PDE4B: variants seen among roughly 807,000 people sequenced by gnomAD.
The protein encoded by PDE4B is 3',5'-cyclic-AMP phosphodiesterase 4B.
Under a neutral mutation model 82.2 loss-of-function variants are expected in PDE4B, and 20 were observed. That is an observed-to-expected ratio of 0.24 (90% CI 0.17 to 0.35). The LOEUF is 0.35. PDE4B is among the 10% of genes least tolerant of loss of function. PDE4B has a pLI of 1.00. For missense variants in PDE4B, 655 were observed against 907.2 expected (o/e 0.72, Z 3.57); for synonymous variants, 320 against 318.9 (o/e 1.00, Z -0.04).
At chr1:66,091,214 C>T (rs1570205824) in intron 3 of PDE4B, among the ~76,000 whole-genome samples, 1 of 152,000 alleles carries the variant, frequency 6.6e-6, no homozygotes, top group Non-Finnish European at 1.5e-5. Context: ...ATTTTCCTAG[C>T]ATCTGTTCTA....
At chr1:65,903,522 A>C (rs1442346960) in intron 1 of PDE4B, among the ~76,000 whole-genome samples, 1 of 152,040 alleles carries the variant, frequency 6.6e-6, no homozygotes, top group Non-Finnish European at 1.5e-5. Flanking sequence ...TGAGCCCACG[A>C]GGTTGAGGCT....
intron 3 of PDE4B, among the ~76,000 whole-genome samples, chr1:66,028,126 C>G (rs1653554116): frequency 6.6e-6 from 1 of 152,230 alleles, no homozygotes; most frequent in African/African-American, 2.4e-5. Flanking sequence ...AAACTTTTGC[C>G]TGGGCATGCG....
At chr1:66,162,126 G>T (rs192320910) in intron 3 of PDE4B, among the ~76,000 whole-genome samples, 2 of 152,014 alleles carry the variant, frequency 1.3e-5, no homozygotes, top group Admixed American at 6.6e-5. Context: ...ATTATCTGAG[G>T]ATCTACGGAA....
intron 1 of PDE4B, among the ~76,000 whole-genome samples, chr1:65,849,439 A>G (rs901670803): frequency 2.6e-5 from 4 of 152,204 alleles, no homozygotes; most frequent in African/African-American, 9.6e-5. Flanking sequence ...CCAGGCTAGC[A>G]GTACTCCATT....
Position 66,281,826 on chromosome 1 carries a change from A to AT in PDE4B, c.634+15747dup, listed in dbSNP as rs546348458. ...TCTATTAAGTCAATATCATTATCCC[A>AT]TTTTTTTTAACCAATAAAACTATGC... On this transcript the variant is annotated intron_variant, in intron 7 of 16. Coordinates refer to ENST00000341517, the MANE Select transcript of PDE4B (RefSeq NM_002600.4). 2.3e-4 allele frequency among the ~76,000 whole-genome samples: 35 copies of AT among 152,068 alleles called. 2 individuals are homozygous for AT. In the South Asian group the frequency reaches 3.5e-3, roughly 15 times the overall value.
At position 66,125,709 on chromosome 1, in the gene PDE4B, A is replaced by G. The variant is rs187559309; in HGVS notation, c.282-121751A>G. Among the ~76,000 whole-genome samples the G allele has an allele frequency of 1.5e-4, 23 of 152,364 alleles. No individual in the cohort carries two copies. The East Asian group carries it at 3.3e-3, about 22-fold the overall frequency. On this transcript the variant is annotated intron_variant, in intron 3 of 16. Coordinates refer to ENST00000341517, the MANE Select transcript of PDE4B (RefSeq NM_002600.4). ...CATTAAGTGAGGACTTACTGTAGTCATGAATCCATTAATTCATCCATTCAC... is the reference window on the plus strand; with the variant it reads ...CATTAAGTGAGGACTTACTGTAGTCGTGAATCCATTAATTCATCCATTCAC...
intron 1 of PDE4B, among the ~76,000 whole-genome samples, chr1:65,843,258 G>C (rs1415073697): frequency 6.6e-6 from 1 of 152,076 alleles, no homozygotes; most frequent in Non-Finnish European, 1.5e-5. Context: ...ACACACGAGA[G>C]ACATACTTAC....
intron 3 of PDE4B, among the ~76,000 whole-genome samples, chr1:66,175,094 T>C (rs1646908975): frequency 6.6e-6 from 1 of 152,176 alleles, no homozygotes; most frequent in Non-Finnish European, 1.5e-5. Context: ...AATTACAATT[T>C]GGATTACAAT....
chr1:66,238,197 G>A lies in PDE4B; in HGVS notation c.282-9263G>A, dbSNP rs61206679. On this transcript the variant is annotated intron_variant, in intron 3 of 16. Coordinates refer to ENST00000341517, the MANE Select transcript of PDE4B (RefSeq NM_002600.4). The stretch of plus-strand genomic sequence containing the variant: ...TAGCACTTTCTACCAGCCAGGGACT[G>A]TTCAAAGCAAAGCAGATATACCAGG... Among the ~76,000 whole-genome samples, 952 of 152,268 alleles carry A rather than the reference G, an allele frequency of 6.3e-3. 8 individuals carry two copies. The highest frequency in any genetic ancestry group is 0.022 in the African/African-American group (903 of 41,536).
intron 1 of PDE4B, among the ~76,000 whole-genome samples, chr1:65,849,251 A>G (rs1340209618): frequency 6.6e-6 from 1 of 152,130 alleles, no homozygotes; most frequent in Non-Finnish European, 1.5e-5. Context: ...CTCACTGGAG[A>G]GATACTCAAG....
chr1:66,026,901 T>C (rs1016403773), intron 3 of PDE4B, among the ~76,000 whole-genome samples: 1 of 152,202 alleles, frequency 6.6e-6, no homozygotes, highest in African/African-American at 2.4e-5. Flanking sequence ...TTGTAACATA[T>C]GCCTGCAAAG....
At chr1:66,019,086 A>G (rs1652941395) in intron 3 of PDE4B, among the ~76,000 whole-genome samples, 1 of 152,164 alleles carries the variant, frequency 6.6e-6, no homozygotes, top group Non-Finnish European at 1.5e-5. Flanking sequence ...AGTTTTAATG[A>G]CCTGGTTAAT....
chr1:66,105,924 C>G (rs941137307), intron 3 of PDE4B, among the ~76,000 whole-genome samples: 1 of 151,868 alleles, frequency 6.6e-6, no homozygotes, highest in South Asian at 2.1e-4. Flanking sequence ...AATTGAATAC[C>G]CTTTATTTCC....
At chr1:66,288,156 C>T (rs759865253) in intron 7 of PDE4B, among the ~76,000 whole-genome samples, 8 of 151,262 alleles carry the variant, frequency 5.3e-5, no homozygotes, top group Non-Finnish European at 1.0e-4. Context: ...ACTTAACAGT[C>T]ATGGCAGAAG....
intron 3 of PDE4B, among the ~76,000 whole-genome samples, chr1:66,219,738 T>C (rs1208485457): frequency 6.6e-6 from 1 of 152,108 alleles, no homozygotes; most frequent in East Asian, 1.9e-4. Flanking sequence ...TCAAGAAGAC[T>C]ATTATTGAGG....
At chr1:66,208,901 A>G (rs1274218547) in intron 3 of PDE4B, among the ~76,000 whole-genome samples, 2 of 152,230 alleles carry the variant, frequency 1.3e-5, no homozygotes, top group East Asian at 3.8e-4. Context: ...TACAGATGAA[A>G]AACTGAGGTT....
At chr1:66,219,956 G>A (rs1650837235) in intron 3 of PDE4B, among the ~76,000 whole-genome samples, 1 of 152,142 alleles carries the variant, frequency 6.6e-6, no homozygotes, top group Non-Finnish European at 1.5e-5. Flanking sequence ...TTATTTTTAT[G>A]ATTTCTTGAC....
chr1:66,133,929 G>T (rs938992308), intron 3 of PDE4B, among the ~76,000 whole-genome samples: 2 of 151,968 alleles, frequency 1.3e-5, no homozygotes, highest in African/African-American at 4.8e-5. Flanking sequence ...TTCTCCCCTG[G>T]GAGACAAGTG....
chr1:65,949,020 A>C lies in PDE4B; in HGVS notation c.281+30185A>C, dbSNP rs556220354. ...ACAAAATGTTCTATGAGCCCTTTCC[A>C]TAAATTCTGTGGGTCATGCCTTGCT... On this transcript the variant is annotated intron_variant, in intron 3 of 16. Transcript: ENST00000341517. 2.0e-4 allele frequency among the ~76,000 whole-genome samples: 30 copies of C among 152,090 alleles called. 1 individual carries two copies. The highest frequency in any genetic ancestry group is 6.8e-3 in the Middle Eastern group (2 of 294).
Sources: allele counts gnomAD v4.1 joint callset (sites outside exome capture counted in the v4.1 genomes callset), GRCh38; gene constraint gnomAD v4.1.1; transcripts MANE v1.5; gene names NCBI Gene and HGNC (gene_info 2026-07-23, HGNC 2026-07-21).